The following YTHDC2 variants were observed in gnomAD, a reference collection of about 807,000 sequenced individuals.
YTHDC2 encodes the protein 3'-5' RNA helicase YTHDC2.
YTHDC2 carries 45 observed loss-of-function variants against 174.9 expected under a neutral mutation model. That is an observed-to-expected ratio of 0.26 (90% CI 0.20 to 0.33). The LOEUF is 0.33. Among genes scored for constraint, YTHDC2 ranks in the 10% least tolerant of loss-of-function variants. YTHDC2 has a pLI of 1.00. For synonymous variants in YTHDC2, 657 were observed against 574.5 expected (o/e 1.14, Z -2.05); for missense variants, 1,650 against 1,723.7 (o/e 0.96, Z 0.76).
At chr5:113,532,823 GA>G in intron 4 of YTHDC2, 55 bp from the exon 5 acceptor site, 1 of 1,495,224 alleles carries the variant, frequency 6.7e-7, no homozygotes, top group Non-Finnish European at 9.0e-7. Context: ...GATTCACTTA[GA>G]TTTTTTGTAT....
At chr5:113,522,125 GTTTT>G (rs1171090577) in intron 2 of YTHDC2, among the ~76,000 whole-genome samples, 43 of 100,746 alleles carry the variant, frequency 4.3e-4, no homozygotes, top group African/African-American at 1.3e-3. Context: ...ATGAATGCCT[GTTTT>G]TTTTGTTTTT....
rs1433755717 is a variant in YTHDC2 at position 113,567,159 on chromosome 5, C to T, written c.2910C>T (p.Val970=). The change falls in exon 22 of 30, where the codon GTC becomes GTT. Residue 970 remains valine, a synonymous_variant. Coordinates refer to ENST00000161863, the MANE Select transcript of YTHDC2 (RefSeq NM_022828.5). ...DVNTNSENWA[V]VKAALVAGMY... Reference sequence around the variant, plus strand: ...ACACAAACTCTGAGAATTGGGCTGTCGTTAAAGCTGCATTGGTGGCAGGCA... The same window carrying T: ...ACACAAACTCTGAGAATTGGGCTGTTGTTAAAGCTGCATTGGTGGCAGGCA... 3.1e-6 allele frequency: 5 copies of T among 1,613,586 alleles called. No homozygotes were observed. Among genetic ancestry groups the T allele is most frequent in the East Asian group, 2.2e-5 (1 of 44,872 alleles).
intron 18 of YTHDC2, among the ~76,000 whole-genome samples, chr5:113,561,551 C>G (rs1485671029): frequency 1.3e-5 from 2 of 151,272 alleles, no homozygotes; most frequent in African/African-American, 4.9e-5. Flanking sequence ...TCACTGCAAC[C>G]TCCACCTCCC....
At chr5:113,578,357 G>C (rs1778195694) in intron 23 of YTHDC2, among the ~76,000 whole-genome samples, 1 of 147,190 alleles carries the variant, frequency 6.8e-6, no homozygotes, top group African/African-American at 2.6e-5. Flanking sequence ...CACCACACCT[G>C]GCATAGAAGG....
At chr5:113,540,304 A>G (rs1380380024) in intron 8 of YTHDC2, among the ~76,000 whole-genome samples, 4 of 152,220 alleles carry the variant, frequency 2.6e-5, no homozygotes, top group Middle Eastern at 3.2e-3. Flanking sequence ...GATTTAAACA[A>G]TAGTTATAAC....
intron 7 of YTHDC2, among the ~76,000 whole-genome samples, chr5:113,537,189 T>C (rs1377717823): frequency 6.6e-6 from 1 of 152,148 alleles, no homozygotes. Flanking sequence ...GCTTTTGCCA[T>C]TTTACTTTTC....
rs1165548666 is a variant in YTHDC2 at position 113,553,703 on chromosome 5, T to G, written c.1964+17T>G. On this transcript the variant is annotated intron_variant, in intron 14 of 29. Coordinates refer to ENST00000161863, the MANE Select transcript of YTHDC2 (RefSeq NM_022828.5). ...TACACATAGGTAAGGGCTAAAGCCT[T>G]ATATCTGTTGCTTAAAATAACGGAC... is the stretch of plus-strand genomic sequence containing the variant. 6.2e-7 allele frequency: 1 copy of G among 1,613,160 alleles called. No homozygotes were observed. Among genetic ancestry groups the G allele is most frequent in the Non-Finnish European group, 8.5e-7 (1 of 1,179,446 alleles).
Position 113,526,682 on chromosome 5 carries a change from A to C in YTHDC2, c.572A>C (p.Gln191Pro), listed in dbSNP as rs1774261380. The change falls in exon 4 of 30, where the codon CAG becomes CCG. Residue 191 changes from glutamine to proline, a missense_variant. Transcript: ENST00000161863. ...GAATCCGAATTTGATTCTTTTAGGC[A>C]GTCTTTACCAGTGTTTGAGAAACAG... is the stretch of plus-strand genomic sequence containing the variant. ...RGESEFDSFR[Q>P]SLPVFEKQEE... 6.3e-7 allele frequency: 1 copy of C among 1,597,306 alleles called. No individual in the cohort carries two copies. The highest frequency in any genetic ancestry group is 8.5e-7 in the Non-Finnish European group (1 of 1,171,038).
intron 12 of YTHDC2, among the ~76,000 whole-genome samples, chr5:113,550,300 T>C (rs1249293920): frequency 1.3e-5 from 2 of 151,904 alleles, no homozygotes; most frequent in East Asian, 1.9e-4. Context: ...CCTGGCATTG[T>C]CAATCATATT....
chr5:113,547,885 T>A (rs1199928216), intron 10 of YTHDC2, among the ~76,000 whole-genome samples: 3 of 152,158 alleles, frequency 2.0e-5, no homozygotes, highest in African/African-American at 7.2e-5. Context: ...AAATTACCAA[T>A]TTTGTAATTT....
At chr5:113,515,184 A>T in intron 1 of YTHDC2, 88 bp from the exon 2 acceptor site, 1 of 866,250 alleles carries the variant, frequency 1.2e-6, no homozygotes. Flanking sequence ...TTGTCTATGT[A>T]TGTTTTTCAT....
intron 23 of YTHDC2, among the ~76,000 whole-genome samples, chr5:113,571,596 C>G (rs1362935763): frequency 6.6e-6 from 1 of 152,102 alleles, no homozygotes; most frequent in Admixed American, 6.6e-5. Flanking sequence ...AGCTGTAAAT[C>G]CATCTGGTTG....
intron 5 of YTHDC2, 131 bp from the exon 6 acceptor site, chr5:113,534,174 A>G (rs557881073): frequency 1.1e-4 from 66 of 595,972 alleles, no homozygotes; most frequent in Admixed American, 1.3e-4. Context: ...CTTTACTAAT[A>G]AACTGTACAT....
intron 25 of YTHDC2, chr5:113,583,499 A>T (rs921623820): frequency 8.6e-5 from 13 of 151,508 alleles, no homozygotes; most frequent in Non-Finnish European, 1.9e-4. Context: ...TTTATATTTT[A>T]TTTTTGAGAC....
intron 16 of YTHDC2, among the ~76,000 whole-genome samples, chr5:113,555,703 G>C (rs549930634): frequency 1.6e-4 from 24 of 152,258 alleles, no homozygotes; most frequent in Non-Finnish European, 3.1e-4. Flanking sequence ...ATGCAAATCT[G>C]ATAGGAAAGT....
chr5:113,541,452 A>G (rs1160517611), intron 9 of YTHDC2, among the ~76,000 whole-genome samples: 1 of 152,114 alleles, frequency 6.6e-6, no homozygotes, highest in Non-Finnish European at 1.5e-5. Context: ...CGGCCTCCCA[A>G]AGTGCTGGGA....
intron 7 of YTHDC2, among the ~76,000 whole-genome samples, chr5:113,538,166 T>G (rs1775212531): frequency 6.6e-6 from 1 of 152,174 alleles, no homozygotes; most frequent in South Asian, 2.1e-4. Flanking sequence ...TTTGTCTGCT[T>G]CTTTTTTGGT....
chr5:113,513,923 C>A lies in YTHDC2; in HGVS notation c.28C>A (p.Arg10=). ...GTCCAGGCCGAGCAGCGTCTCCCCG[C>A]GGCAGCCGGCTCCTGGCGGTGGCGG... The part of the protein sequence containing the change: MSRPSSVSP[R]QPAPGGGGGG... The change falls in exon 1 of 30, where the codon CGG becomes AGG. Residue 10 remains arginine, a synonymous_variant. Coordinates refer to ENST00000161863, the MANE Select transcript of YTHDC2 (RefSeq NM_022828.5). 6.2e-7 allele frequency: 1 copy of A among 1,605,566 alleles called. No homozygotes were observed. Among genetic ancestry groups the A allele is most frequent in the Non-Finnish European group, 8.5e-7 (1 of 1,176,684 alleles).
chr5:113,548,428 T>C, intron 10 of YTHDC2, 113 bp from the exon 11 acceptor site: 1 of 1,048,030 alleles, frequency 9.5e-7, no homozygotes. Context: ...AAGGAGCAAC[T>C]CTCAGGCTAA....
Sources: allele counts gnomAD v4.1 joint callset (sites outside exome capture counted in the v4.1 genomes callset), GRCh38; gene constraint gnomAD v4.1.1; transcripts MANE v1.5; gene names NCBI Gene and HGNC (gene_info 2026-07-23, HGNC 2026-07-21).